The following FOXP2 variants were observed in gnomAD, a reference collection of about 807,000 sequenced individuals.
The protein encoded by FOXP2 is forkhead box protein P2.
A neutral mutation model predicts 115.8 loss-of-function variants in FOXP2; 12 were observed. That is an observed-to-expected ratio of 0.10 (90% CI 0.07 to 0.17). The LOEUF (loss-of-function observed/expected upper bound fraction) is 0.17, where lower values mean the gene tolerates loss of function less well. FOXP2 is among the 10% of genes least tolerant of loss of function. The pLI, the probability that FOXP2 is intolerant of heterozygous loss-of-function variation, is 1.00. For synonymous variants in FOXP2, 328 were observed against 297.7 expected (o/e 1.10, Z -1.05); for missense variants, 629 against 843.5 (o/e 0.75, Z 3.15).
At chr7:114,657,226 G>C (rs536773793) in intron 10 of FOXP2, among the ~76,000 whole-genome samples, 60 of 152,274 alleles carry the variant, frequency 3.9e-4, no homozygotes, top group Non-Finnish European at 7.9e-4. Flanking sequence ...GGGCCTTTCT[G>C]AGGGGAGTAA....
intron 2 of FOXP2, among the ~76,000 whole-genome samples, chr7:114,441,998 C>T (rs1794625265): frequency 6.6e-6 from 1 of 152,034 alleles, no homozygotes; most frequent in South Asian, 2.1e-4. Context: ...AATTATAATC[C>T]TATGTATCTA....
chr7:114,390,011 G>A lies in FOXP2; in HGVS notation c.-10-36491G>A, dbSNP rs1322164322. ...TGCTCTCCAGCCTGGGCAACAGAGT[G>A]ACATTCAGTGTCAAAAAAAAAAAAA... is the stretch of plus-strand genomic sequence containing the variant. On this transcript the variant is annotated intron_variant, in intron 2 of 17. Transcript: ENST00000634411. Among the ~76,000 whole-genome samples, 4 of 101,486 alleles carry A rather than the reference G, an allele frequency of 3.9e-5. No homozygotes were observed. The Admixed American group carries it at 4.8e-4, about 12-fold the overall frequency. The allele number at this position is 101,486 out of a possible 152,430, so 66.6% of individuals were successfully genotyped here.
intron 15 of FOXP2, 57 bp downstream of exon 15, chr7:114,663,576 T>C: frequency 8.7e-7 from 1 of 1,147,294 alleles, no homozygotes; most frequent in Non-Finnish European, 1.3e-6. Flanking sequence ...TTTTTTTTTT[T>C]TGGCATGTCT....
At chr7:114,638,681 C>CA (rs914911263) in intron 6 of FOXP2, among the ~76,000 whole-genome samples, 1 of 152,114 alleles carries the variant, frequency 6.6e-6, no homozygotes, top group Non-Finnish European at 1.5e-5. Flanking sequence ...TTTGGAGCTT[C>CA]AAAAACTACT....
intron 3 of FOXP2, among the ~76,000 whole-genome samples, chr7:114,547,669 G>C (rs1042499613): frequency 3.3e-5 from 5 of 152,164 alleles, no homozygotes; most frequent in Non-Finnish European, 7.3e-5. Flanking sequence ...TGAGACAGGA[G>C]AATTTCTCAA....
intron 1 of FOXP2, among the ~76,000 whole-genome samples, chr7:114,283,470 C>A (rs1796387877): frequency 6.6e-6 from 1 of 151,984 alleles, no homozygotes; most frequent in Admixed American, 6.6e-5. Flanking sequence ...TATCCTTAAG[C>A]TTTATATGAT....
At chr7:114,395,859 C>T (rs1046960126) in intron 2 of FOXP2, among the ~76,000 whole-genome samples, 41 of 150,880 alleles carry the variant, frequency 2.7e-4, no homozygotes, top group African/African-American at 1.0e-3. Flanking sequence ...GGGGGGGTCA[C>T]GTTTTCTTTC....
intron 2 of FOXP2, among the ~76,000 whole-genome samples, chr7:114,372,088 G>A (rs1792022243): frequency 6.6e-6 from 1 of 152,086 alleles, no homozygotes; most frequent in South Asian, 2.1e-4. Context: ...GATGAACTAT[G>A]AGAAACAAAT....
chr7:114,316,890 T>A (rs1797291992), intron 2 of FOXP2, among the ~76,000 whole-genome samples: 1 of 152,164 alleles, frequency 6.6e-6, no homozygotes, highest in Non-Finnish European at 1.5e-5. Context: ...GTGAATGATA[T>A]AAACACGATT....
chr7:114,531,090 A>G (rs9332390), intron 2 of FOXP2, among the ~76,000 whole-genome samples: 68,792 of 151,476 alleles, frequency 0.45, 15,824 homozygotes, highest in Admixed American at 0.52. Flanking sequence ...TGGAAACTAG[A>G]TATGGTTTGG....
intron 1 of FOXP2, among the ~76,000 whole-genome samples, chr7:114,118,804 G>A (rs2129143338): frequency 6.6e-6 from 1 of 152,178 alleles, no homozygotes; most frequent in Middle Eastern, 3.4e-3. Flanking sequence ...CAGTTACAGA[G>A]GTTTGCACAC....
intron 2 of FOXP2, among the ~76,000 whole-genome samples, chr7:114,387,534 T>G (rs1562898726): frequency 6.6e-6 from 1 of 152,112 alleles, no homozygotes; most frequent in African/African-American, 2.4e-5. Context: ...TTTGGAGGAC[T>G]GAGGAGATTT....
chr7:114,277,515 A>G (rs893458578), intron 1 of FOXP2, among the ~76,000 whole-genome samples: 4 of 152,112 alleles, frequency 2.6e-5, no homozygotes, highest in Middle Eastern at 3.2e-3. Context: ...TCTAGTGGCT[A>G]AAGACCATTA....
intron 2 of FOXP2, among the ~76,000 whole-genome samples, chr7:114,322,208 T>C (rs1181582284): frequency 2.6e-5 from 4 of 151,846 alleles, no homozygotes; most frequent in African/African-American, 9.6e-5. Flanking sequence ...TTTGTAGTGA[T>C]AGAGTCTCAC....
chr7:114,167,947 A>AC (rs1793027284), intron 1 of FOXP2, among the ~76,000 whole-genome samples: 1 of 151,592 alleles, frequency 6.6e-6, no homozygotes, highest in Non-Finnish European at 1.5e-5. Context: ...AAAAAAAAAA[A>AC]AAAAAAACAC....
intron 2 of FOXP2, among the ~76,000 whole-genome samples, chr7:114,364,652 T>C (rs1338214038): frequency 1.3e-5 from 2 of 152,190 alleles, no homozygotes; most frequent in Non-Finnish European, 2.9e-5. Flanking sequence ...ATGTGCACTT[T>C]GTTCTCATAT....
In FOXP2 at chr7:114,577,695, C is replaced by T. The variant is rs141709648; in HGVS notation, c.258+42989C>T. 3.9e-5 allele frequency among the ~76,000 whole-genome samples: 6 copies of T among 151,976 alleles called. No individual in the cohort carries two copies. In the East Asian group the frequency reaches 1.2e-3, roughly 29 times the overall value. ...ATTTTACAATATTGGAAGAAACCAT[C>T]TCCTCTTCAGATACAGAATTCTAGT... On this transcript the variant is annotated intron_variant, in intron 3 of 16. Transcript: ENST00000350908.
At chr7:114,362,999 GA>G (rs1791789682) in intron 2 of FOXP2, among the ~76,000 whole-genome samples, 1 of 151,722 alleles carries the variant, frequency 6.6e-6, no homozygotes, top group Admixed American at 6.6e-5. Context: ...CTTTGGGTGA[GA>G]AAAAAACAGG....
intron 1 of FOXP2, among the ~76,000 whole-genome samples, chr7:114,250,633 T>G (rs1192456451): frequency 6.6e-6 from 1 of 152,224 alleles, no homozygotes; most frequent in Non-Finnish European, 1.5e-5. Context: ...ATTTGCCCAC[T>G]TTTCGATGGG....
Sources: gnomAD v4.1 joint callset for allele counts (sites outside exome capture counted in the v4.1 genomes callset) on GRCh38, gnomAD v4.1.1 for gene constraint, MANE v1.5 for transcripts, NCBI Gene and HGNC (gene_info 2026-07-23, HGNC 2026-07-21) for gene names.